The following CDK13 variants were observed in gnomAD, a reference collection of about 807,000 sequenced individuals.
The protein encoded by CDK13 is cyclin-dependent kinase 13.
Under a neutral mutation model 137.6 loss-of-function variants are expected in CDK13, and 40 were observed. That is an observed-to-expected ratio of 0.29 (90% confidence interval 0.23 to 0.38). The LOEUF (loss-of-function observed/expected upper bound fraction) is 0.38. CDK13 is among the 10% of genes least tolerant of loss of function. The pLI, the probability that CDK13 is intolerant of heterozygous loss-of-function variation, is 1.00. For missense variants in CDK13, 1,704 were observed against 1,951.8 expected (o/e 0.87, Z 2.39); for synonymous variants, 869 against 760.1 (o/e 1.14, Z -2.36).
chr7:40,042,535 G>C (rs1785634335), intron 5 of CDK13, among the ~76,000 whole-genome samples: 1 of 132,190 alleles, frequency 7.6e-6, no homozygotes, highest in East Asian at 2.2e-4. Flanking sequence ...CTGGAGTGCA[G>C]TGGCGCAATC....
intron 5 of CDK13, among the ~76,000 whole-genome samples, chr7:40,044,534 G>GT (rs1293438703): frequency 6.6e-6 from 1 of 151,998 alleles, no homozygotes; most frequent in Admixed American, 6.6e-5. Flanking sequence ...GCCCAGGCTG[G>GT]TTTCATGTTC....
At chr7:40,044,914 G>T (rs1477912015) in intron 5 of CDK13, among the ~76,000 whole-genome samples, 2 of 152,164 alleles carry the variant, frequency 1.3e-5, no homozygotes, top group African/African-American at 4.8e-5. Flanking sequence ...GGGATTACAG[G>T]CATGAGCCAC....
intron 5 of CDK13, among the ~76,000 whole-genome samples, chr7:40,014,056 G>GTTTTTTT (rs1431672361): frequency 9.5e-6 from 1 of 105,450 alleles, no homozygotes; most frequent in African/African-American, 3.8e-5. Context: ...ATGCTGTCTT[G>GTTTTTTT]TCTTTTTTTT....
At position 40,092,660 on chromosome 7, in the gene CDK13, A is replaced by T. The variant is rs1239729377; in HGVS notation, c.3236-125A>T. 6.0e-6 allele frequency: 4 copies of T among 664,650 alleles called. No homozygotes were observed. The African/African-American group carries it at 7.3e-5, about 12-fold the overall frequency. The allele number at this position is 664,650 out of a possible 1,614,324, so 41.2% of individuals were successfully genotyped here. ...TAACTAGACTTGAGGTTCTCTTTTTACAGTATTTCTTAAATACTCTCCCTC... is the reference window on the plus strand; with the variant it reads ...TAACTAGACTTGAGGTTCTCTTTTTTCAGTATTTCTTAAATACTCTCCCTC... On this transcript the variant is annotated intron_variant, in intron 12 of 13. Coordinates refer to ENST00000181839, the MANE Select transcript of CDK13 (RefSeq NM_003718.5).
chr7:40,065,603 T>C (rs1244404844), intron 9 of CDK13, among the ~76,000 whole-genome samples: 3 of 152,172 alleles, frequency 2.0e-5, no homozygotes, highest in Admixed American at 6.6e-5. Flanking sequence ...TTAGAACATC[T>C]AGGTTTAAAA....
intron 2 of CDK13, among the ~76,000 whole-genome samples, chr7:39,992,104 C>T (rs111955149): frequency 3.6e-5 from 2 of 55,706 alleles, no homozygotes; most frequent in Admixed American, 1.7e-4. Context: ...CACACACACA[C>T]GCACACACAC....
chr7:39,952,096 A>G (rs1787241757), intron 1 of CDK13: 1 of 387,232 alleles, frequency 2.6e-6, no homozygotes, highest in Non-Finnish European at 4.5e-6. Flanking sequence ...AAGATTTCTA[A>G]GGAAGAATTA....
In CDK13 at chr7:39,951,274, G is replaced by C. The variant is rs1409520379; in HGVS notation, c.633G>C (p.Glu211Asp). The C allele has an allele frequency of 7.4e-7, 1 of 1,355,214 alleles. No individual in the cohort carries two copies. Among genetic ancestry groups the C allele is most frequent in the East Asian group, 3.1e-5 (1 of 32,438 alleles). 83.9% of individuals were successfully genotyped at this position (1,355,214 alleles called of 1,614,324 possible). The change falls in exon 1 of 14, where the codon GAG becomes GAC. Residue 211 changes from glutamate (E) to aspartate (D), a missense_variant. Glu to Asp is a conservative substitution (Grantham distance 45, BLOSUM62 2). Around this residue, in one of 5 missense-constraint regions of CDK13, gnomAD observed 1,051 missense variants for 931.0 expected, o/e 1.13. Transcript: ENST00000181839. ...DRRSSSGRSK[E>D]RHREHRRRDG... ...GCAGCAGCAGTGGCCGCAGCAAGGA[G>C]CGCCACCGCGAGCACCGGCGGCGGG...
At position 39,951,227 on chromosome 7, in the gene CDK13, C is replaced by T. The variant is rs1787172611; in HGVS notation, c.586C>T (p.Arg196Cys). 1 of 1,277,976 alleles carries T rather than the reference C, an allele frequency of 7.8e-7. No homozygotes were observed. Among genetic ancestry groups the T allele is most frequent in the Non-Finnish European group, 9.8e-7 (1 of 1,015,720 alleles). 79.2% of individuals were successfully genotyped at this position (1,277,976 alleles called of 1,614,324 possible). Reference protein sequence around the residue: ...GTQRRGEGSERRPRRDRRSSS... With the variant: ...GTQRRGEGSECRPRRDRRSSS... Reference sequence around the variant, plus strand: ...CCAGCGGCGCGGGGAGGGGTCGGAGCGCAGGCCCCGCCGGGACCGCCGCAG... The same window carrying T: ...CCAGCGGCGCGGGGAGGGGTCGGAGTGCAGGCCCCGCCGGGACCGCCGCAG... Residue 196 changes from arginine to cysteine, a missense_variant, in exon 1 of 14, where the codon CGC becomes TGC. This residue lies in a region of CDK13 where 1,051 missense variants were observed against 931.0 expected (regional missense o/e 1.13). Transcript: ENST00000181839.
chr7:39,950,472 T>C lies in CDK13; in HGVS notation c.-170T>C. Reference sequence around the variant, plus strand: ...GGCTGCTGCGTACCCCACTGTGACCTGGAACCCAGGGACCCGAGTCCCGAC... The same window carrying C: ...GGCTGCTGCGTACCCCACTGTGACCCGGAACCCAGGGACCCGAGTCCCGAC... On this transcript the variant is annotated 5_prime_UTR_variant, in exon 1 of 14. Transcript: ENST00000181839. The C allele has an allele frequency of 8.0e-7, 1 of 1,257,014 alleles. No individual in the cohort carries two copies. The highest frequency in any genetic ancestry group is 1.0e-6 in the Non-Finnish European group (1 of 1,002,058). 77.9% of individuals were successfully genotyped at this position (1,257,014 alleles called of 1,614,324 possible).
At chr7:40,047,559 C>T (rs1159081793) in intron 6 of CDK13, among the ~76,000 whole-genome samples, 1 of 151,722 alleles carries the variant, frequency 6.6e-6, no homozygotes, top group Non-Finnish European at 1.5e-5. Flanking sequence ...AAATACTATT[C>T]TAATATTATA....
intron 7 of CDK13, chr7:40,048,642 T>A (rs1785805500): frequency 6.8e-6 from 1 of 147,218 alleles, no homozygotes; most frequent in African/African-American, 2.7e-5. Flanking sequence ...TTCTTTAATA[T>A]CACCATAATT....
In CDK13 at chr7:40,093,064, C is replaced by G. The variant is rs768679942; in HGVS notation, c.3515C>G (p.Thr1172Ser). Reference sequence around the variant, plus strand: ...CAGACCATCCAGCCTAAAGTGGAGACTGATGCTGCCCAGGCGGCTGTGCAG... The same window carrying G: ...CAGACCATCCAGCCTAAAGTGGAGAGTGATGCTGCCCAGGCGGCTGTGCAG... ...SSQTIQPKVE[T>S]DAAQAAVQSA... The change falls in exon 13 of 14, where the codon ACT becomes AGT. Residue 1172 changes from threonine (T) to serine (S), a missense_variant. Physicochemically the swap from Thr to Ser is moderately conservative, Grantham distance 58. Around this residue, in one of 5 missense-constraint regions of CDK13, gnomAD observed 475 missense variants for 579.3 expected, o/e 0.82. Transcript: ENST00000181839. 1.9e-5 allele frequency: 31 copies of G among 1,614,052 alleles called. 1 individual carries two copies. In the Admixed American group the frequency reaches 4.8e-4, roughly 25 times the overall value.
chr7:40,014,162 G>A (rs1256674510), intron 5 of CDK13, among the ~76,000 whole-genome samples: 2 of 146,156 alleles, frequency 1.4e-5, no homozygotes, highest in Non-Finnish European at 3.0e-5. Flanking sequence ...TCCGACTCCC[G>A]GGTTCAAGCG....
intron 1 of CDK13, among the ~76,000 whole-genome samples, chr7:39,972,594 G>A (rs1378439731): frequency 6.6e-6 from 1 of 152,132 alleles, no homozygotes; most frequent in Admixed American, 6.6e-5. Flanking sequence ...TTTATGGCTG[G>A]ATTCTTTCAC....
At chr7:40,047,169 A>G (rs1025435499) in intron 6 of CDK13, among the ~76,000 whole-genome samples, 1 of 152,202 alleles carries the variant, frequency 6.6e-6, no homozygotes, top group African/African-American at 2.4e-5. Flanking sequence ...GATTTTAGAA[A>G]ATTTTAAAAA....
chr7:39,984,489 T>G (rs1009946974), intron 1 of CDK13: 1 of 152,030 alleles, frequency 6.6e-6, no homozygotes, highest in Non-Finnish European at 1.5e-5. Context: ...TTAAAAAAAT[T>G]TTGTGGGTGC....
In CDK13 at chr7:39,950,462, C is replaced by G; in HGVS notation, c.-180C>G. The G allele has an allele frequency of 8.0e-7, 1 of 1,252,188 alleles. No individual in the cohort carries two copies. The highest frequency in any genetic ancestry group is 3.2e-5 in the East Asian group (1 of 31,684). 77.6% of individuals were successfully genotyped at this position (1,252,188 alleles called of 1,614,324 possible). ...GGGGCCCGGAGGCTGCTGCGTACCC[C>G]ACTGTGACCTGGAACCCAGGGACCC... On this transcript the variant is annotated 5_prime_UTR_variant, in exon 1 of 14. Coordinates refer to ENST00000181839, the MANE Select transcript of CDK13 (RefSeq NM_003718.5).
chr7:40,043,346 T>TCATAGGG (rs2150513510), intron 5 of CDK13, among the ~76,000 whole-genome samples: 1 of 152,310 alleles, frequency 6.6e-6, no homozygotes, highest in Admixed American at 6.5e-5. Flanking sequence ...GTCCCTATGG[T>TCATAGGG]ATGACACAGG....
Sources: gnomAD v4.1 joint callset for allele counts (sites outside exome capture counted in the v4.1 genomes callset) on GRCh38, gnomAD v4.1.1 for gene constraint, gnomAD v4.1.1 regional missense constraint, MANE v1.5 for transcripts, NCBI Gene and HGNC (gene_info 2026-07-23, HGNC 2026-07-21) for gene names.